FAM186B: variants seen among roughly 807,000 people sequenced by gnomAD.
FAM186B encodes family with sequence similarity 186 member B, also known as protein FAM186B.
A neutral mutation model predicts 83.4 loss-of-function variants in FAM186B; 68 were observed. That is an observed-to-expected ratio of 0.81 (90% CI 0.67 to 1.00). The LOEUF is 1.00. Ranked by LOEUF, FAM186B falls within the 50% of genes least tolerant of loss-of-function variation. FAM186B has a pLI of 0.00. For synonymous variants in FAM186B, 389 were observed against 422.0 expected (o/e 0.92, Z 0.96); for missense variants, 983 against 1,099.2 (o/e 0.89, Z 1.49).
chr12:49,591,070 A>C (rs1238903294), intron 5 of FAM186B, among the ~76,000 whole-genome samples: 3 of 152,172 alleles, frequency 2.0e-5, no homozygotes, highest in Admixed American at 2.0e-4. Context: ...CAGGCAGTGC[A>C]GGTCAATGAT....
rs1392202048 is a variant in FAM186B at position 49,600,384 on chromosome 12, G to C, written c.1256C>G (p.Pro419Arg). 1 of 1,614,156 alleles carries C rather than the reference G, an allele frequency of 6.2e-7. No individual in the cohort carries two copies. The highest frequency in any genetic ancestry group is 1.1e-5 in the South Asian group (1 of 91,076). ...CTTAGGAAACCTGCGATCTACTAAG[G>C]GTAAAAGCACAGGCTCAAGGCTCTC... is the stretch of plus-strand genomic sequence containing the variant. ...DTESLEPVLL[P>R]LVDRRFPKKW... The change falls in exon 4 of 7, where the codon CCC (proline) becomes CGC (arginine). Residue 419 changes from proline to arginine, a missense_variant. Pro to Arg is a moderately radical substitution (Grantham distance 103, BLOSUM62 -2). Coordinates refer to ENST00000257894, the MANE Select transcript of FAM186B (RefSeq NM_032130.3). The surrounding 1 kb of genome is among the most constrained non-coding windows in gnomAD (Gnocchi z 4.3).
At chr12:49,582,885 T>TAC (rs1314057772), downstream of FAM186B, 2 of 375,920 alleles carry the variant, frequency 5.3e-6, no homozygotes, top group Non-Finnish European at 1.1e-5. Context: ...TACACAAAGA[T>TAC]ACACACACAT....
intron 5 of FAM186B, chr12:49,595,177 G>A: frequency 4.1e-6 from 2 of 485,040 alleles, no homozygotes; most frequent in South Asian, 2.1e-5. Flanking sequence ...AAATGGAGAC[G>A]GTCATCCTGT....
the FAM186B span, among the ~76,000 whole-genome samples, chr12:49,616,060 T>A: frequency 1.0e-3 from 157 of 151,970 alleles, 1 homozygote; most frequent in African/African-American, 3.5e-3. Context: ...GATGGAGTCT[T>A]GCTCTGTCGC....
the FAM186B span, among the ~76,000 whole-genome samples, chr12:49,621,069 T>C: frequency 3.2e-4 from 49 of 152,244 alleles, no homozygotes; most frequent in Non-Finnish European, 6.2e-4. Flanking sequence ...GCATAGAATA[T>C]GGCAAATAAA....
At chr12:49,613,876 C>T in the FAM186B span, among the ~76,000 whole-genome samples, 137 of 151,664 alleles carry the variant, frequency 9.0e-4, no homozygotes, top group Non-Finnish European at 8.8e-4. Flanking sequence ...TGGCCGGGCG[C>T]GGTGGCTCAC....
chr12:49,615,381 A>G, the FAM186B span, among the ~76,000 whole-genome samples: 1 of 152,256 alleles, frequency 6.6e-6, no homozygotes, highest in Non-Finnish European at 1.5e-5. Flanking sequence ...CTAGACTAAA[A>G]AGTATTTGCA....
At chr12:49,620,327 T>C in the FAM186B span, among the ~76,000 whole-genome samples, 3 of 152,316 alleles carry the variant, frequency 2.0e-5, no homozygotes, top group African/African-American at 7.2e-5. Context: ...AATTTAACTT[T>C]TTTCTGCCTG....
chr12:49,607,526 A>G (rs1293855500), upstream of FAM186B, among the ~76,000 whole-genome samples: 4 of 152,178 alleles, frequency 2.6e-5, no homozygotes, highest in Admixed American at 2.6e-4. Context: ...AATTGGATTC[A>G]TAATATAAAA....
intron 5 of FAM186B, chr12:49,594,173 C>A: frequency 3.6e-6 from 1 of 278,108 alleles, no homozygotes; most frequent in Non-Finnish European, 7.5e-6. Context: ...GAAATAAAAT[C>A]CAGGGATCCA....
chr12:49,601,346 C>T (rs557146685), intron 3 of FAM186B, among the ~76,000 whole-genome samples: 1 of 152,300 alleles, frequency 6.6e-6, no homozygotes, highest in East Asian at 1.9e-4. Context: ...CAGGGTCTGC[C>T]AGCTCCACAG....
rs1450404074 is a variant in FAM186B at position 49,599,664 on chromosome 12, T to G, written c.1976A>C (p.Lys659Thr). 6.2e-7 allele frequency: 1 copy of G among 1,605,480 alleles called. No individual in the cohort carries two copies. The highest frequency in any genetic ancestry group is 1.7e-5 in the Admixed American group (1 of 58,830). ...CTCCATGTCCATGTGGTACACCTTC[T>G]TCTTAATATTTGCAGGGGATATCTG... Reference protein sequence around the residue: ...SLQISPANIKKKVYHMDMEAQ... With the variant: ...SLQISPANIKTKVYHMDMEAQ... Residue 659 changes from lysine (K) to threonine (T), a missense_variant, in exon 4 of 7, where the codon AAG (lysine) becomes ACG (threonine). Physicochemically the swap from Lys to Thr is moderately conservative, Grantham distance 78. Coordinates refer to ENST00000257894, the MANE Select transcript of FAM186B (RefSeq NM_032130.3).
At chr12:49,588,736 G>A (rs764333762) in intron 5 of FAM186B, 113 bp from the exon 6 acceptor site, 3 of 1,085,536 alleles carry the variant, frequency 2.8e-6, no homozygotes, top group Non-Finnish European at 3.9e-6. Flanking sequence ...GCTGAGTGGA[G>A]AGGGTAAGGC....
At chr12:49,601,481 G>A (rs117157502) in intron 3 of FAM186B, among the ~76,000 whole-genome samples, 1 of 152,302 alleles carries the variant, frequency 6.6e-6, no homozygotes, top group East Asian at 1.9e-4. Context: ...CCCAGCCTCA[G>A]TATCTGTGTT....
In FAM186B at chr12:49,601,171, C is replaced by T. The variant is rs528115421; in HGVS notation, c.506-37G>A. On this transcript the variant is annotated intron_variant, in intron 3 of 6. Coordinates refer to ENST00000257894, the MANE Select transcript of FAM186B (RefSeq NM_032130.3). ...AGAGAGAAAAAAGTCAACGATTTCT[C>T]ATGGGTCCCAAGGATTGCATTGATT... is the stretch of plus-strand genomic sequence containing the variant. 10 of 1,519,196 alleles carry T rather than the reference C, an allele frequency of 6.6e-6. No individual in the cohort carries two copies. The African/African-American group carries it at 9.7e-5, about 15-fold the overall frequency. The allele number at this position is 1,519,196 out of a possible 1,614,324, so 94.1% of individuals were successfully genotyped here. A position where few individuals can be genotyped will look rare whatever the true frequency, so the allele number is the denominator to read the frequency against.
At chr12:49,596,315 C>A (rs568848235) in intron 5 of FAM186B, among the ~76,000 whole-genome samples, 133 of 143,906 alleles carry the variant, frequency 9.2e-4, no homozygotes, top group African/African-American at 3.2e-3. Context: ...ATAGTGAGAC[C>A]CCCGTCTCAA....
downstream of FAM186B, among the ~76,000 whole-genome samples, chr12:49,584,799 C>G (rs1036237474): frequency 2.0e-5 from 3 of 152,186 alleles, no homozygotes; most frequent in African/African-American, 7.2e-5. Flanking sequence ...TCTCTTCCTG[C>G]GAATCTGCCT....
chr12:49,600,007 G>T lies in FAM186B; in HGVS notation c.1633C>A (p.Arg545=). The part of the protein sequence containing the change: ...VQLEKEQESP[R]REPEQLGEDV... ...TCCCCTAGCTGCTCTGGCTCTCTCC[G>T]TGGGCTCTCCTGCTCCTTTTCTAGC... The change falls in exon 4 of 7, where the codon CGG becomes AGG. Residue 545 remains arginine, a synonymous_variant. Coordinates refer to ENST00000257894, the MANE Select transcript of FAM186B (RefSeq NM_032130.3). This position sits in a 1 kb window ranked among gnomAD's most constrained non-coding sequence, Gnocchi z 4.3. The T allele has an allele frequency of 1.9e-6, 3 of 1,611,450 alleles. No homozygotes were observed. The highest frequency in any genetic ancestry group is 1.7e-6 in the Non-Finnish European group (2 of 1,178,874).
chr12:49,584,313 T>G, downstream of FAM186B: 2 of 573,128 alleles, frequency 3.5e-6, no homozygotes, highest in Non-Finnish European at 3.1e-6. Flanking sequence ...TATTAAAATG[T>G]AGAGTTTGGG....
Sources: allele counts gnomAD v4.1 joint callset (sites outside exome capture counted in the v4.1 genomes callset), GRCh38; gene constraint gnomAD v4.1.1; non-coding constraint Gnocchi (gnomAD v3.1); transcripts MANE v1.5; gene names NCBI Gene and HGNC (gene_info 2026-07-23, HGNC 2026-07-21).